The following TENM4 variants were observed in gnomAD, a reference collection of about 807,000 sequenced individuals.
TENM4 encodes the protein teneurin-4.
Under a neutral mutation model 243.3 loss-of-function variants are expected in TENM4, and 82 were observed. That is an observed-to-expected ratio of 0.34 (90% CI 0.28 to 0.40). TENM4 has a LOEUF of 0.40. Ranked by LOEUF, TENM4 falls within the 10% of genes least tolerant of loss-of-function variation. TENM4 has a pLI of 1.00. For missense variants in TENM4, 3,138 were observed against 3,673.3 expected (o/e 0.85, Z 3.77); for synonymous variants, 1,412 against 1,456.3 (o/e 0.97, Z 0.69).
chr11:78,865,040 G>A (rs1172511865), intron 9 of TENM4, among the ~76,000 whole-genome samples: 1 of 152,166 alleles, frequency 6.6e-6, no homozygotes. Flanking sequence ...GGGGGAACTT[G>A]TATATATTAA....
intron 3 of TENM4, among the ~76,000 whole-genome samples, chr11:79,176,601 T>C (rs1177639442): frequency 6.6e-6 from 1 of 152,244 alleles, no homozygotes; most frequent in African/African-American, 2.4e-5. Context: ...ACTTGACACC[T>C]AATTATTTAC....
At chr11:79,283,525 C>A (rs1015916721) in intron 2 of TENM4, among the ~76,000 whole-genome samples, 2 of 151,932 alleles carry the variant, frequency 1.3e-5, no homozygotes, top group African/African-American at 2.4e-5. Context: ...CCTTTTGTGA[C>A]AAAAAAACCC....
At chr11:78,760,038 C>T (rs772316035) in intron 18 of TENM4, among the ~76,000 whole-genome samples, 2 of 152,204 alleles carry the variant, frequency 1.3e-5, no homozygotes, top group Non-Finnish European at 2.9e-5. Flanking sequence ...ACGTCTCTTT[C>T]CAATATTGTA....
chr11:78,901,112 G>A (rs1306220458), intron 7 of TENM4, among the ~76,000 whole-genome samples: 2 of 152,030 alleles, frequency 1.3e-5, no homozygotes, highest in South Asian at 2.1e-4. Flanking sequence ...AAAGGGCCTC[G>A]CATTGGGGGA....
chr11:79,439,394 C>T (rs182016655), intron 1 of TENM4, among the ~76,000 whole-genome samples: 2 of 152,214 alleles, frequency 1.3e-5, no homozygotes, highest in South Asian at 2.1e-4. Context: ...CTGCACCCAA[C>T]TGAGCAGTAA....
chr11:78,881,196 T>C (rs1212733045), intron 9 of TENM4, among the ~76,000 whole-genome samples: 1 of 152,206 alleles, frequency 6.6e-6, no homozygotes. Flanking sequence ...GTCAGAGCCC[T>C]GTGCATGGCT....
At position 79,365,931 on chromosome 11, in the gene TENM4, C is replaced by A. The variant is rs568938813; in HGVS notation, c.-320-68388G>T. Among the ~76,000 whole-genome samples, 393 of 152,252 alleles carry A rather than the reference C, an allele frequency of 2.6e-3. 1 individual carries two copies. Among genetic ancestry groups the A allele is most frequent in the Non-Finnish European group, 3.4e-3 (232 of 68,024 alleles). On this transcript the variant is annotated intron_variant, in intron 1 of 33. Transcript: ENST00000278550. ...ATATAAGGTCTGAAAATGTTAAGGA[C>A]TTTAAACTTTACTTTGAAATCAATA...
Position 78,658,577 on chromosome 11 carries a change from G to A in TENM4, c.7791C>T (p.Ile2597=). 6.2e-7 allele frequency: 1 copy of A among 1,614,000 alleles called. No individual in the cohort carries two copies. The highest frequency in any genetic ancestry group is 1.3e-5 in the African/African-American group (1 of 75,056). The change falls in exon 34 of 34, where the codon ATC becomes ATT. Residue 2597 remains isoleucine, a synonymous_variant. Coordinates refer to ENST00000278550, the MANE Select transcript of TENM4 (RefSeq NM_001098816.3). ...ANEDGRRVAA[I]LNHAHYLENL... ...TCTCTAGGTAGTGGGCATGGTTCAA[G>A]ATGGCAGCAACCCTTCGCCCATCCT...
chr11:79,038,622 G>A lies in TENM4; in HGVS notation c.493+26116C>T, dbSNP rs577284419. On this transcript the variant is annotated intron_variant, in intron 6 of 33. Coordinates refer to ENST00000278550, the MANE Select transcript of TENM4 (RefSeq NM_001098816.3). ...ACACACAGGCAGTTGAGCTCTCTCTGAAGGGCAGAAACTCCTTTTTTTCTC... is the reference window on the plus strand; with the variant it reads ...ACACACAGGCAGTTGAGCTCTCTCTAAAGGGCAGAAACTCCTTTTTTTCTC... Among the ~76,000 whole-genome samples the A allele has an allele frequency of 1.5e-3, 229 of 152,308 alleles. 1 individual carries two copies. The highest frequency in any genetic ancestry group is 2.3e-3 in the Non-Finnish European group (157 of 68,022).
intron 1 of TENM4, among the ~76,000 whole-genome samples, chr11:79,375,878 A>G (rs1008650078): frequency 4.6e-5 from 7 of 152,194 alleles, no homozygotes; most frequent in African/African-American, 1.7e-4. Context: ...TGTGGCTGGC[A>G]GTAGGAAGTT....
chr11:79,190,073 C>G (rs1863449827), intron 3 of TENM4, among the ~76,000 whole-genome samples: 1 of 152,242 alleles, frequency 6.6e-6, no homozygotes, highest in African/African-American at 2.4e-5. Flanking sequence ...TCTCCCTTCT[C>G]TGTGCTCCTA....
At chr11:78,756,522 T>C (rs1856308621) in intron 19 of TENM4, 1 of 408,644 alleles carries the variant, frequency 2.4e-6, no homozygotes, top group East Asian at 5.2e-5. Context: ...AAGTGGGTAT[T>C]GATCCAAGAT....
At chr11:79,330,341 C>T (rs1857041964) in intron 1 of TENM4, among the ~76,000 whole-genome samples, 1 of 152,146 alleles carries the variant, frequency 6.6e-6, no homozygotes, top group Non-Finnish European at 1.5e-5. Flanking sequence ...TGATGCGAAG[C>T]ACAGAGAAGC....
chr11:78,868,142 C>T (rs1232292349), intron 9 of TENM4, among the ~76,000 whole-genome samples: 1 of 150,980 alleles, frequency 6.6e-6, no homozygotes, highest in Non-Finnish European at 1.5e-5. Context: ...TAGACTGGGC[C>T]ACTGAAACAA....
chr11:79,308,938 T>C (rs907624367), intron 1 of TENM4, among the ~76,000 whole-genome samples: 7 of 152,244 alleles, frequency 4.6e-5, no homozygotes, highest in African/African-American at 1.7e-4. Context: ...TACTTGGGTA[T>C]ATCAGTAACA....
At chr11:79,170,589 A>G (rs183275966) in intron 3 of TENM4, among the ~76,000 whole-genome samples, 118 of 152,312 alleles carry the variant, frequency 7.7e-4, no homozygotes, top group Non-Finnish European at 8.4e-4. Context: ...CACAGGGAGA[A>G]TGTCATGTGA....
intron 6 of TENM4, among the ~76,000 whole-genome samples, chr11:78,981,967 G>C (rs1194291452): frequency 6.6e-6 from 1 of 152,112 alleles, no homozygotes; most frequent in Non-Finnish European, 1.5e-5. Flanking sequence ...CATGCCCCGT[G>C]TCTGTCCCCA....
At chr11:79,147,339 C>T (rs188473708) in intron 4 of TENM4, among the ~76,000 whole-genome samples, 1 of 152,050 alleles carries the variant, frequency 6.6e-6, no homozygotes, top group East Asian at 1.9e-4. Flanking sequence ...TAATCCTTAC[C>T]ATCTAGGACC....
intron 3 of TENM4, among the ~76,000 whole-genome samples, chr11:79,182,817 T>C (rs1194262062): frequency 6.6e-6 from 1 of 152,194 alleles, no homozygotes; most frequent in East Asian, 1.9e-4. Flanking sequence ...TATAAAATGA[T>C]GTTCAGCATC....
Sources: gnomAD v4.1 joint callset for allele counts (sites outside exome capture counted in the v4.1 genomes callset) on GRCh38, gnomAD v4.1.1 for gene constraint, MANE v1.5 for transcripts, NCBI Gene and HGNC (gene_info 2026-07-23, HGNC 2026-07-21) for gene names.